The following NPTN variants were observed in gnomAD, a reference collection of about 807,000 sequenced individuals.
NPTN encodes neuroplastin.
NPTN carries 5 observed loss-of-function variants against 42.7 expected under a neutral mutation model. That is an observed-to-expected ratio of 0.12 (90% CI 0.06 to 0.25). The LOEUF is 0.25. Ranked by LOEUF, NPTN falls within the 10% of genes least tolerant of loss-of-function variation. NPTN has a pLI of 1.00. For missense variants in NPTN, 307 were observed against 525.4 expected, an observed-to-expected ratio of 0.58 and a Z score of 4.06; for synonymous variants, 180 against 201.9, an observed-to-expected ratio of 0.89 and a Z score of 0.92.
rs536813188 is a variant in NPTN, at chr15:73,584,465, G to C, written c.706+3059C>G. 5.9e-5 allele frequency among the ~76,000 whole-genome samples: 9 copies of C among 152,100 alleles called. No individual in the cohort carries two copies. The South Asian group carries it at 1.5e-3, about 25-fold the overall frequency. On this transcript the variant is annotated intron_variant, in intron 4 of 8. Transcript: ENST00000345330. Reference sequence around the variant, plus strand: ...GGGGCAAAAGGTTGAAAAATTATAGGGGTAGAAAATTTCAACATCTATTCA... The same window carrying C: ...GGGGCAAAAGGTTGAAAAATTATAGCGGTAGAAAATTTCAACATCTATTCA...
chr15:73,620,854 GT>G (rs142683156), intron 1 of NPTN, among the ~76,000 whole-genome samples: 1 of 152,120 alleles, frequency 6.6e-6, no homozygotes, highest in Admixed American at 6.5e-5. Flanking sequence ...TTGTAGCTTG[GT>G]TTTTCTAATA....
chr15:73,584,037 G>C (rs1896193008), intron 4 of NPTN, among the ~76,000 whole-genome samples: 1 of 152,224 alleles, frequency 6.6e-6, no homozygotes, highest in African/African-American at 2.4e-5. Context: ...AAGCTAAGGA[G>C]TAGGGAGGAG....
intron 1 of NPTN, among the ~76,000 whole-genome samples, chr15:73,608,527 T>C (rs893498737): frequency 6.6e-6 from 1 of 152,198 alleles, no homozygotes; most frequent in Admixed American, 6.5e-5. Flanking sequence ...AGTGCTATTA[T>C]ATGTCAAGCA....
chr15:73,580,457 T>C (rs1264875585), intron 4 of NPTN, among the ~76,000 whole-genome samples: 3 of 135,082 alleles, frequency 2.2e-5, no homozygotes, highest in African/African-American at 8.9e-5. Flanking sequence ...TATGTATATA[T>C]ACAAAATATA....
chr15:73,612,958 T>A (rs1415382921), intron 1 of NPTN, among the ~76,000 whole-genome samples: 1 of 152,162 alleles, frequency 6.6e-6, no homozygotes, highest in African/African-American at 2.4e-5. Context: ...GGTAACCATA[T>A]AATTTGTCAT....
chr15:73,583,620 G>A (rs749156781), intron 4 of NPTN, among the ~76,000 whole-genome samples: 2 of 152,134 alleles, frequency 1.3e-5, no homozygotes, highest in Non-Finnish European at 2.9e-5. Context: ...TGTGGTTTTT[G>A]GGCTGAAGTT....
chr15:73,627,413 G>C lies in NPTN; in HGVS notation c.91+5712C>G, dbSNP rs567147311. On this transcript the variant is annotated intron_variant, in intron 1 of 8. Coordinates refer to ENST00000345330, the MANE Select transcript of NPTN (RefSeq NM_012428.4). ...AAACTCAATACAAAATGTTTCCCTC[G>C]AGCTGACTACATTCTATTTTAATGA... 2.6e-5 allele frequency among the ~76,000 whole-genome samples: 4 copies of C among 152,154 alleles called. No homozygotes were observed. The South Asian group carries it at 8.3e-4, about 32-fold the overall frequency.
intron 1 of NPTN, among the ~76,000 whole-genome samples, chr15:73,604,041 G>A (rs1195333449): frequency 1.3e-5 from 2 of 152,022 alleles, no homozygotes; most frequent in East Asian, 1.9e-4. Context: ...TTGGTATGAC[G>A]GATCTCCCTC....
rs1374423006 is a variant in NPTN, at chr15:73,591,996, G to A, written c.581C>T (p.Thr194Ile). Reference protein sequence around the residue: ...WTKNGVELSATRKNASNMEYR... With the variant: ...WTKNGVELSAIRKNASNMEYR... ...CTCCATGTTGCTGGCATTCTTACGA[G>A]TGGCACTCAGTTCCACCCCATTCTT... Residue 194 changes from threonine to isoleucine, a missense_variant, in exon 3 of 9, where the codon ACT becomes ATT. This residue lies in a region of NPTN where 264 missense variants were observed against 491.1 expected (regional missense o/e 0.54). Coordinates refer to ENST00000345330, the MANE Select transcript of NPTN (RefSeq NM_012428.4). 6.2e-7 allele frequency: 1 copy of A among 1,613,510 alleles called. No individual in the cohort carries two copies. Among genetic ancestry groups the A allele is most frequent in the Non-Finnish European group, 8.5e-7 (1 of 1,179,702 alleles).
At chr15:73,617,119 A>C (rs1235349371) in intron 1 of NPTN, among the ~76,000 whole-genome samples, 1 of 152,206 alleles carries the variant, frequency 6.6e-6, no homozygotes, top group Non-Finnish European at 1.5e-5. Context: ...TCAAAAAAAG[A>C]CTATAAATAC....
At chr15:73,612,858 C>T (rs1407802218) in intron 1 of NPTN, among the ~76,000 whole-genome samples, 1 of 152,122 alleles carries the variant, frequency 6.6e-6, no homozygotes, top group Admixed American at 6.5e-5. Context: ...CAGAAATCTC[C>T]CATCATAAGG....
At chr15:73,623,138 T>C (rs143555097) in intron 1 of NPTN, among the ~76,000 whole-genome samples, 1 of 152,194 alleles carries the variant, frequency 6.6e-6, no homozygotes, top group Non-Finnish European at 1.5e-5. Context: ...TTTACTAGGT[T>C]TCATATAAAG....
chr15:73,570,609 A>G lies in NPTN; in HGVS notation c.841-186T>C, dbSNP rs1237513103. Among the ~76,000 whole-genome samples the G allele has an allele frequency of 6.6e-5, 10 of 152,346 alleles. No homozygotes were observed. In the East Asian group the frequency reaches 1.9e-3, roughly 29 times the overall value. On this transcript the variant is annotated intron_variant, in intron 5 of 8. Coordinates refer to ENST00000345330, the MANE Select transcript of NPTN (RefSeq NM_012428.4). This position sits in a 1 kb window ranked among gnomAD's most constrained non-coding sequence, Gnocchi z 4.0. ...AAATCAACTTCTGACAGAGCCAGGC[A>G]AGCCTCCCTTACCATCGGTCCTCCA...
At position 73,570,613 on chromosome 15, in the gene NPTN, C is replaced by A. The variant is rs1895313774; in HGVS notation, c.841-190G>T. 6.6e-6 allele frequency among the ~76,000 whole-genome samples: 1 copy of A among 152,198 alleles called. No individual in the cohort carries two copies. Among genetic ancestry groups the A allele is most frequent in the African/African-American group, 2.4e-5 (1 of 41,450 alleles). On this transcript the variant is annotated intron_variant, in intron 5 of 8. Transcript: ENST00000345330. This position sits in a 1 kb window ranked among gnomAD's most constrained non-coding sequence, Gnocchi z 4.0. Reference sequence around the variant, plus strand: ...CAACTTCTGACAGAGCCAGGCAAGCCTCCCTTACCATCGGTCCTCCAGACT... The same window carrying A: ...CAACTTCTGACAGAGCCAGGCAAGCATCCCTTACCATCGGTCCTCCAGACT...
intron 4 of NPTN, among the ~76,000 whole-genome samples, chr15:73,580,336 T>A (rs906164182): frequency 1.7e-4 from 25 of 149,002 alleles, no homozygotes; most frequent in African/African-American, 6.0e-4. Flanking sequence ...TATACCTATG[T>A]AACAAACCTG....
Position 73,633,256 on chromosome 15 carries a change from A to G in NPTN, c.-41T>C, listed in dbSNP as rs1485249400. 1.0e-5 allele frequency: 11 copies of G among 1,051,874 alleles called. No homozygotes were observed. The highest frequency in any genetic ancestry group is 1.5e-5 in the Non-Finnish European group (11 of 743,688). The allele number at this position is 1,051,874 out of a possible 1,614,324, so 65.2% of individuals were successfully genotyped here. A position where few individuals can be genotyped will look rare whatever the true frequency, so the allele number is the denominator to read the frequency against. The stretch of plus-strand genomic sequence containing the variant: ...ACCCAACAGCGAATGGGCCGGGGCC[A>G]GAGCCGGGGCCGGGGAAGGGAGGGG... On this transcript the variant is annotated 5_prime_UTR_variant, in exon 1 of 9. Transcript: ENST00000345330.
At chr15:73,607,953 G>C (rs1897368170) in intron 1 of NPTN, among the ~76,000 whole-genome samples, 1 of 152,062 alleles carries the variant, frequency 6.6e-6, no homozygotes, top group African/African-American at 2.4e-5. Context: ...TGCAAATTTT[G>C]AGCTTGTTTA....
intron 4 of NPTN, among the ~76,000 whole-genome samples, chr15:73,583,770 AC>A (rs1182319368): frequency 1.3e-5 from 2 of 152,148 alleles, no homozygotes; most frequent in Non-Finnish European, 1.5e-5. Flanking sequence ...ACGCATCCTC[AC>A]CTATCACACT....
chr15:73,584,827 C>T (rs1005346391), intron 4 of NPTN, among the ~76,000 whole-genome samples: 4 of 151,786 alleles, frequency 2.6e-5, no homozygotes, highest in Admixed American at 6.6e-5. Flanking sequence ...AGGCCTCCCC[C>T]ACTACATGTA....
Sources: gnomAD v4.1 joint callset for allele counts (sites outside exome capture counted in the v4.1 genomes callset) on GRCh38, gnomAD v4.1.1 for gene constraint, gnomAD v4.1.1 regional missense constraint, Gnocchi (gnomAD v3.1) non-coding constraint, MANE v1.5 for transcripts, NCBI Gene and HGNC (gene_info 2026-07-23, HGNC 2026-07-21) for gene names.